SHLD1: variants seen among roughly 807,000 people sequenced by gnomAD.
SHLD1 encodes the protein RINN1-REV7-interacting novel NHEJ regulator 3.
In SHLD1, 3 loss-of-function variants were observed where a neutral mutation model predicts 5.5. The observed-to-expected ratio is 0.54, with a 90% CI of 0.25 to 1.40. SHLD1 has a LOEUF of 1.40. Ranked by LOEUF, SHLD1 falls within the 40% of genes most tolerant of loss-of-function variation. The pLI is 0.15. For missense variants in SHLD1, 210 were observed against 244.4 expected, an observed-to-expected ratio of 0.86 and a Z score of 0.94; for synonymous variants, 92 against 94.3, an observed-to-expected ratio of 0.98 and a Z score of 0.14.
At position 5,858,983 on chromosome 20, in the gene SHLD1, T is replaced by C. The variant is rs374268725; in HGVS notation, c.179-4041T>C. On this transcript the variant is annotated intron_variant, in intron 2 of 2. Transcript: ENST00000303142. ...ATTTCTAAAGAAATCCTATTCATGA[T>C]GGAAAATATATAAAAAGGCAAGTTC... 2.9e-4 allele frequency among the ~76,000 whole-genome samples: 44 copies of C among 152,288 alleles called. No homozygotes were observed. In the South Asian group the frequency reaches 8.7e-3, roughly 30 times the overall value.
intron 2 of SHLD1, among the ~76,000 whole-genome samples, chr20:5,857,794 G>T (rs1368933435): frequency 6.6e-6 from 1 of 151,512 alleles, no homozygotes; most frequent in Non-Finnish European, 1.5e-5. Context: ...GGGGACAACA[G>T]AGCAAAACCC....
intron 2 of SHLD1, among the ~76,000 whole-genome samples, chr20:5,814,654 C>CTTTTTTTTTTTTTT (rs148119460): frequency 5.8e-5 from 6 of 103,808 alleles, no homozygotes; most frequent in East Asian, 2.7e-4. Flanking sequence ...TTTTCTTCTT[C>CTTTTTTTTTTTTTT]TTTTTTTTTT....
At chr20:5,787,920 G>A (rs1257174405) in intron 2 of SHLD1, among the ~76,000 whole-genome samples, 1 of 152,134 alleles carries the variant, frequency 6.6e-6, no homozygotes, top group Non-Finnish European at 1.5e-5. Flanking sequence ...AAGTCAACTA[G>A]TCTCTCTCAA....
intron 2 of SHLD1, among the ~76,000 whole-genome samples, chr20:5,803,886 A>AT (rs199764756): frequency 0.027 from 3,779 of 140,752 alleles, 162 homozygotes; most frequent in African/African-American, 0.095. Context: ...AATAAAAAAG[A>AT]TTAAAAAAAA....
Position 5,863,306 on chromosome 20 carries a change from G to T in SHLD1, c.461G>T (p.Arg154Leu). The T allele has an allele frequency of 6.2e-7, 1 of 1,614,138 alleles. No individual in the cohort carries two copies. The highest frequency in any genetic ancestry group is 8.5e-7 in the Non-Finnish European group (1 of 1,180,020). The change falls in exon 3 of 3, where the codon CGG becomes CTG. Residue 154 changes from arginine to leucine, a missense_variant. Arg to Leu is a moderately radical substitution (Grantham distance 102). Coordinates refer to ENST00000303142, the MANE Select transcript of SHLD1 (RefSeq NM_152504.4). Reference protein sequence around the residue: ...SFQMARVIFNRDGCSVLQRHS... With the variant: ...SFQMARVIFNLDGCSVLQRHS... ...CAAATGGCCCGGGTGATCTTCAACC[G>T]GGACGGCTGCTCCGTCTTACAGAGG...
chr20:5,817,971 G>A (rs551063098), intron 2 of SHLD1, among the ~76,000 whole-genome samples: 5 of 152,184 alleles, frequency 3.3e-5, no homozygotes, highest in African/African-American at 9.7e-5. Flanking sequence ...CACATCTTGC[G>A]TCCCTTCTCT....
At chr20:5,837,104 G>C (rs2087798414) in intron 2 of SHLD1, among the ~76,000 whole-genome samples, 1 of 152,200 alleles carries the variant, frequency 6.6e-6, no homozygotes, top group African/African-American at 2.4e-5. Context: ...CAATAGGACA[G>C]AAGATTCTCC....
At chr20:5,824,816 C>T (rs2087647851) in intron 2 of SHLD1, among the ~76,000 whole-genome samples, 1 of 152,050 alleles carries the variant, frequency 6.6e-6, no homozygotes, top group South Asian at 2.1e-4. Flanking sequence ...CTGCTTTTTC[C>T]AAATCCTAAC....
chr20:5,863,042 TAGAACAA>T lies in SHLD1; in HGVS notation c.199_205del (p.Glu67IlefsTer15), dbSNP rs1568536624. 2.5e-6 allele frequency: 4 copies of T among 1,602,424 alleles called. No homozygotes were observed. In the Admixed American group the frequency reaches 7.0e-5, roughly 28 times the overall value. On this transcript the variant is annotated frameshift_variant, in exon 3 of 3. Transcript: ENST00000303142. LOFTEE classifies it low-confidence loss of function (END_TRUNC). ...CTTGCAGACACCAGTAACTTAAATA[TAGAACAA>T]AATAACTCCTGGACCGCTGAGAACT...
At chr20:5,835,738 A>G (rs942563442) in intron 2 of SHLD1, among the ~76,000 whole-genome samples, 2 of 152,380 alleles carry the variant, frequency 1.3e-5, no homozygotes, top group East Asian at 1.9e-4. Flanking sequence ...AAATCCTCCA[A>G]CAAGTTATTT....
chr20:5,834,340 G>A (rs1190971138), intron 2 of SHLD1, among the ~76,000 whole-genome samples: 1 of 152,152 alleles, frequency 6.6e-6, no homozygotes, highest in Non-Finnish European at 1.5e-5. Flanking sequence ...AAATTAGCAT[G>A]TGTGACTTTT....
intron 1 of SHLD1, among the ~76,000 whole-genome samples, chr20:5,758,227 A>G (rs1216581856): frequency 6.9e-6 from 1 of 144,730 alleles, no homozygotes; most frequent in Non-Finnish European, 1.5e-5. Flanking sequence ...AGGGACAGTG[A>G]GGGGGCCTGA....
At chr20:5,793,279 C>G (rs2087167844) in intron 2 of SHLD1, among the ~76,000 whole-genome samples, 1 of 151,908 alleles carries the variant, frequency 6.6e-6, no homozygotes, top group African/African-American at 2.4e-5. Context: ...TTTGATGTAC[C>G]TATAAATATA....
chr20:5,833,500 T>C (rs2087753993), intron 2 of SHLD1, among the ~76,000 whole-genome samples: 1 of 152,104 alleles, frequency 6.6e-6, no homozygotes, highest in South Asian at 2.1e-4. Context: ...CTGCCCTGGT[T>C]GAGGGCAATG....
chr20:5,801,071 C>CTTTTTTTTTTTTTTTTTTTT (rs67798135), intron 2 of SHLD1, among the ~76,000 whole-genome samples: 9 of 121,942 alleles, frequency 7.4e-5, no homozygotes, highest in Non-Finnish European at 7.2e-5. Context: ...CAGCCACCAT[C>CTTTTTTTTTTTTTTTTTTTT]TTTTTTTTTT....
intron 2 of SHLD1, among the ~76,000 whole-genome samples, chr20:5,842,709 A>G (rs189706776): frequency 6.6e-6 from 1 of 152,216 alleles, no homozygotes; most frequent in Non-Finnish European, 1.5e-5. Flanking sequence ...GCTAAATTGT[A>G]AGTAATATCT....
At chr20:5,780,069 C>T (rs1985622025) in intron 2 of SHLD1, among the ~76,000 whole-genome samples, 1 of 138,622 alleles carries the variant, frequency 7.2e-6, no homozygotes, top group Non-Finnish European at 1.5e-5. Context: ...ACCTCTGCTT[C>T]CCAGGCTCAA....
intron 2 of SHLD1, among the ~76,000 whole-genome samples, chr20:5,814,782 C>T (rs1164914037): frequency 1.3e-5 from 2 of 151,532 alleles, no homozygotes; most frequent in East Asian, 3.9e-4. Context: ...CTCATCTCAG[C>T]CTCCTGAGTA....
At chr20:5,767,635 A>G (rs1010947725) in intron 1 of SHLD1, among the ~76,000 whole-genome samples, 1 of 152,188 alleles carries the variant, frequency 6.6e-6, no homozygotes, top group East Asian at 1.9e-4. Flanking sequence ...TCCACCTGCT[A>G]CCCAGCTGTC....
Sources: allele counts gnomAD v4.1 joint callset (sites outside exome capture counted in the v4.1 genomes callset), GRCh38; gene constraint gnomAD v4.1.1; transcripts MANE v1.5; gene names NCBI Gene and HGNC (gene_info 2026-07-23, HGNC 2026-07-21).